The following CCDC102A variants were observed in gnomAD, a reference collection of about 807,000 sequenced individuals.
The protein encoded by CCDC102A is coiled-coil domain-containing protein 102A.
Under a neutral mutation model 55.5 loss-of-function variants are expected in CCDC102A, and 40 were observed. That is an observed-to-expected ratio of 0.72 (90% CI 0.56 to 0.94). The LOEUF (loss-of-function observed/expected upper bound fraction) is 0.94, where lower values mean the gene tolerates loss of function less well. Among genes scored for constraint, CCDC102A ranks in the 40% least tolerant of loss-of-function variants. The probability of loss-of-function intolerance (pLI) is 0.00; values close to 1 mark genes in which losing one functional copy is unlikely to be tolerated. For synonymous variants in CCDC102A, 323 were observed against 339.0 expected (o/e 0.95, Z 0.52); for missense variants, 779 against 768.6 (o/e 1.01, Z -0.16).
intron 3 of CCDC102A, among the ~76,000 whole-genome samples, chr16:57,521,470 G>C (rs2032050992): frequency 6.6e-6 from 1 of 152,172 alleles, no homozygotes; most frequent in African/African-American, 2.4e-5. Context: ...TGCACCTCAG[G>C]CTCATCTGAA....
rs1237136160 is a variant in CCDC102A, at chr16:57,525,894, G to A, written c.812+7C>T. The stretch of plus-strand genomic sequence containing the variant: ...GGCCCTGCCCCCTCCCGCCTCCCAC[G>A]ACTCACTCTCGCTCCTTGAGCAGCA... On this transcript the variant is annotated splice_region_variant and intron_variant, in intron 3 of 8. Transcript: ENST00000258214. The A allele has an allele frequency of 3.1e-6, 5 of 1,611,538 alleles. No individual in the cohort carries two copies. Among genetic ancestry groups the A allele is most frequent in the South Asian group, 1.1e-5 (1 of 90,824 alleles).
intron 8 of CCDC102A, among the ~76,000 whole-genome samples, chr16:57,514,047 A>T (rs1311758395): frequency 6.6e-6 from 1 of 152,174 alleles, no homozygotes; most frequent in Non-Finnish European, 1.5e-5. Context: ...CCCCCTAGGA[A>T]AAAACATCTT....
At chr16:57,524,147 C>T (rs1457707515) in intron 3 of CCDC102A, among the ~76,000 whole-genome samples, 1 of 151,948 alleles carries the variant, frequency 6.6e-6, no homozygotes, top group Non-Finnish European at 1.5e-5. Context: ...AACATGTGTT[C>T]AGACCAAGCC....
intron 6 of CCDC102A, among the ~76,000 whole-genome samples, chr16:57,517,133 G>A (rs565682104): frequency 1.3e-5 from 2 of 151,986 alleles, no homozygotes; most frequent in South Asian, 4.2e-4. Context: ...CTCCCCTCCT[G>A]CTTTAAACTC....
intron 2 of CCDC102A, among the ~76,000 whole-genome samples, chr16:57,526,545 G>A (rs1271714756): frequency 3.3e-5 from 5 of 152,210 alleles, no homozygotes; most frequent in African/African-American, 1.2e-4. Context: ...TGGGGAGACT[G>A]GTGACACAGG....
intron 8 of CCDC102A, among the ~76,000 whole-genome samples, chr16:57,513,876 C>T (rs1232125202): frequency 3.3e-5 from 5 of 152,340 alleles, no homozygotes; most frequent in South Asian, 4.1e-4. Flanking sequence ...GCAGCCCATT[C>T]TCTAAGCCAC....
At chr16:57,528,558 G>A (rs771369088) in intron 2 of CCDC102A, 35 bp downstream of exon 2, 35 of 1,190,598 alleles carry the variant, frequency 2.9e-5, no homozygotes, top group Non-Finnish European at 2.8e-5. Flanking sequence ...CCCACTTCGA[G>A]ACTGGAGCGC....
At position 57,528,795 on chromosome 16, in the gene CCDC102A, C is replaced by CGCTGGCGCA. The variant is rs1350254978; in HGVS notation, c.374_382dup (p.Leu125_Gln127dup). 4.1e-6 allele frequency: 5 copies of CGCTGGCGCA among 1,216,762 alleles called. No individual in the cohort carries two copies. The highest frequency in any genetic ancestry group is 5.2e-6 in the Non-Finnish European group (5 of 969,282). The allele number at this position is 1,216,762 out of a possible 1,614,324, so 75.4% of individuals were successfully genotyped here. On this transcript the variant is annotated inframe_insertion, in exon 2 of 9. Coordinates refer to ENST00000258214, the MANE Select transcript of CCDC102A (RefSeq NM_033212.4). ...CAGCTCCTTGGTGAGCGCGTCCAGG[C>CGCTGGCGCA]GCTGGCGCAGCTGGCGCACCTCCTC...
chr16:57,525,880 C>T lies in CCDC102A; in HGVS notation c.812+21G>A, dbSNP rs377040782. On this transcript the variant is annotated intron_variant, in intron 3 of 8. Coordinates refer to ENST00000258214, the MANE Select transcript of CCDC102A (RefSeq NM_033212.4). ...CACGGCCTGGCCCTGGCCCTGCCCC[C>T]TCCCGCCTCCCACGACTCACTCTCG... is the stretch of plus-strand genomic sequence containing the variant. 136 of 1,610,098 alleles carry T rather than the reference C, an allele frequency of 8.4e-5. No homozygotes were observed. In the African/African-American group the frequency reaches 1.7e-3, roughly 20 times the overall value.
chr16:57,531,567 G>A (rs1893841298), intron 1 of CCDC102A, among the ~76,000 whole-genome samples: 2 of 152,022 alleles, frequency 1.3e-5, no homozygotes, highest in Non-Finnish European at 2.9e-5. Context: ...GTAAGAACCT[G>A]ACCACTCTGA....
At chr16:57,514,702 G>A (rs901578144) in intron 8 of CCDC102A, among the ~76,000 whole-genome samples, 27 of 152,164 alleles carry the variant, frequency 1.8e-4, no homozygotes, top group Admixed American at 1.2e-3. Context: ...TCTATTCCAC[G>A]AAAGAAGAGA....
At chr16:57,525,859 GCCTGGC>G (rs746659935) in intron 3 of CCDC102A, 36 bp downstream of exon 3, 1 of 1,570,314 alleles carries the variant, frequency 6.4e-7, no homozygotes, top group Non-Finnish European at 8.7e-7. Flanking sequence ...TTGTAGCACG[GCCTGGC>G]CCTGGCCCTG....
intron 3 of CCDC102A, among the ~76,000 whole-genome samples, chr16:57,523,886 C>CAA (rs1817713280): frequency 6.6e-6 from 1 of 152,146 alleles, no homozygotes; most frequent in African/African-American, 2.4e-5. Context: ...GTTCCACTCT[C>CAA]AGAGAGAGAG....
intron 3 of CCDC102A, among the ~76,000 whole-genome samples, chr16:57,522,914 C>T (rs1470828385): frequency 6.6e-6 from 1 of 152,238 alleles, no homozygotes; most frequent in Non-Finnish European, 1.5e-5. Context: ...CACCTGTAAT[C>T]CTAGCGCTTT....
At position 57,516,035 on chromosome 16, in the gene CCDC102A, T is replaced by C. The variant is rs577861595; in HGVS notation, c.1419+258A>G. Among the ~76,000 whole-genome samples, 1 of 152,292 alleles carries C rather than the reference T, an allele frequency of 6.6e-6. No homozygotes were observed. Among genetic ancestry groups the C allele is most frequent in the South Asian group, 2.1e-4 (1 of 4,816 alleles). The stretch of plus-strand genomic sequence containing the variant: ...CCTCTCTCTCCCATTCATCCATCCA[T>C]TCATTCCTTTACCCATTGGTTCATC... On this transcript the variant is annotated intron_variant, in intron 7 of 8. Transcript: ENST00000258214. This position sits in a 1 kb window ranked among gnomAD's most constrained non-coding sequence, Gnocchi z 4.4.
chr16:57,518,578 C>T, intron 5 of CCDC102A, 47 bp downstream of exon 5: 1 of 1,474,664 alleles, frequency 6.8e-7, no homozygotes, highest in Non-Finnish European at 9.4e-7. Flanking sequence ...AGCAGGGCCC[C>T]AGGACCCCTA....
At chr16:57,534,066 T>C (rs1056986708) in intron 1 of CCDC102A, among the ~76,000 whole-genome samples, 1 of 152,176 alleles carries the variant, frequency 6.6e-6, no homozygotes, top group Non-Finnish European at 1.5e-5. Flanking sequence ...TCTGGGTTTG[T>C]ATTCCAAATG....
At chr16:57,521,387 C>T (rs1471533195) in intron 3 of CCDC102A, among the ~76,000 whole-genome samples, 2 of 152,192 alleles carry the variant, frequency 1.3e-5, no homozygotes, top group African/African-American at 4.8e-5. Flanking sequence ...GTGCAAGTGC[C>T]CAGCTCACAT....
At chr16:57,517,755 T>C (rs2031979738) in intron 6 of CCDC102A, among the ~76,000 whole-genome samples, 1 of 152,214 alleles carries the variant, frequency 6.6e-6, no homozygotes, top group African/African-American at 2.4e-5. Context: ...AGCTGTGTGA[T>C]TGGCATGAAT....
Sources: gnomAD v4.1 joint callset for allele counts (sites outside exome capture counted in the v4.1 genomes callset) on GRCh38, gnomAD v4.1.1 for gene constraint, Gnocchi (gnomAD v3.1) non-coding constraint, MANE v1.5 for transcripts, NCBI Gene and HGNC (gene_info 2026-07-23, HGNC 2026-07-21) for gene names.